The following SCMH1 variants were observed in gnomAD, a reference collection of about 807,000 sequenced individuals.
The protein encoded by SCMH1 is Scm polycomb group protein homolog 1.
Under a neutral mutation model 70.8 loss-of-function variants are expected in SCMH1, and 37 were observed. That is an observed-to-expected ratio of 0.52 (90% CI 0.40 to 0.69). SCMH1 has a LOEUF of 0.69. Ranked by LOEUF, SCMH1 falls within the 30% of genes least tolerant of loss-of-function variation. The probability of loss-of-function intolerance (pLI) is 0.00; values close to 1 mark genes in which losing one functional copy is unlikely to be tolerated. For missense variants in SCMH1, 607 were observed against 827.3 expected, an observed-to-expected ratio of 0.73 and a Z score of 3.27; for synonymous variants, 292 against 307.4, an observed-to-expected ratio of 0.95 and a Z score of 0.52.
intron 4 of SCMH1, chr1:41,159,818 C>T: frequency 6.8e-7 from 1 of 1,461,324 alleles, no homozygotes; most frequent in Non-Finnish European, 9.0e-7. Flanking sequence ...AGAGTAAAGT[C>T]TGAGTATAGC....
At chr1:41,057,258 T>C (rs1037123870) in intron 10 of SCMH1, among the ~76,000 whole-genome samples, 5 of 151,256 alleles carry the variant, frequency 3.3e-5, no homozygotes, top group African/African-American at 1.2e-4. Context: ...TTTGTTGTTG[T>C]TTTTTTGTTT....
intron 2 of SCMH1, among the ~76,000 whole-genome samples, chr1:41,180,533 A>C (rs1648437016): frequency 6.6e-6 from 1 of 152,242 alleles, no homozygotes. Flanking sequence ...AAAAATCAAA[A>C]GCATTCTTAT....
At chr1:41,155,853 C>A (rs1414880355) in intron 4 of SCMH1, among the ~76,000 whole-genome samples, 1 of 151,892 alleles carries the variant, frequency 6.6e-6, no homozygotes, top group Non-Finnish European at 1.5e-5. Context: ...GGCGTGGTGG[C>A]AGGCACCTAT....
intron 6 of SCMH1, among the ~76,000 whole-genome samples, chr1:41,126,600 T>A (rs1673231700): frequency 6.6e-6 from 1 of 152,168 alleles, no homozygotes. Context: ...TATATATGTG[T>A]GCATATGTGT....
At chr1:41,159,609 T>C (rs1645853908) in intron 4 of SCMH1, 38 of 1,178,672 alleles carry the variant, frequency 3.2e-5, no homozygotes, top group Non-Finnish European at 4.3e-5. Context: ...GTTCAAATTG[T>C]CTGACTCCTA....
At chr1:41,042,379 G>C (rs1440808279) in intron 12 of SCMH1, among the ~76,000 whole-genome samples, 1 of 151,980 alleles carries the variant, frequency 6.6e-6, no homozygotes, top group Non-Finnish European at 1.5e-5. Flanking sequence ...CTCCCAAGTA[G>C]CTGGGATTAC....
At chr1:41,136,134 T>C (rs1300267308) in intron 6 of SCMH1, among the ~76,000 whole-genome samples, 2 of 151,842 alleles carry the variant, frequency 1.3e-5, no homozygotes, top group Non-Finnish European at 1.5e-5. Flanking sequence ...TTTGCAGAGA[T>C]AGAGTTTTGC....
At chr1:41,037,971 C>G (rs1645544479) in intron 12 of SCMH1, 1 of 158,596 alleles carries the variant, frequency 6.3e-6, no homozygotes, top group Non-Finnish European at 1.4e-5. Context: ...CTTCTTGATG[C>G]TTGGTTAAAG....
chr1:41,066,909 C>A (rs1654792765), intron 10 of SCMH1, among the ~76,000 whole-genome samples: 2 of 152,120 alleles, frequency 1.3e-5, no homozygotes, highest in Admixed American at 1.3e-4. Flanking sequence ...CATCTTGAAA[C>A]CCCTTTGGTT....
intron 1 of SCMH1, among the ~76,000 whole-genome samples, chr1:41,207,094 T>C (rs537064810): frequency 1.3e-5 from 2 of 152,018 alleles, no homozygotes; most frequent in Non-Finnish European, 1.5e-5. Flanking sequence ...ACATGCCAAA[T>C]TGTAAAGACC....
intron 1 of SCMH1, among the ~76,000 whole-genome samples, chr1:41,198,804 G>A (rs963339849): frequency 5.3e-5 from 8 of 152,092 alleles, no homozygotes; most frequent in South Asian, 2.1e-4. Flanking sequence ...CAACAAGATC[G>A]TATTACACAA....
At chr1:41,060,461 A>AG (rs202150318) in intron 10 of SCMH1, among the ~76,000 whole-genome samples, 6,671 of 150,168 alleles carry the variant, frequency 0.044, 243 homozygotes, top group Non-Finnish European at 0.063. Context: ...AATGTGAGGG[A>AG]GAAAAAAAAA....
chr1:41,075,007 C>T (rs530388179), intron 9 of SCMH1, among the ~76,000 whole-genome samples: 47 of 152,258 alleles, frequency 3.1e-4, no homozygotes, highest in African/African-American at 1.1e-3. Context: ...GGACTACAGG[C>T]GCCCACCACC....
At chr1:41,131,140 C>T (rs1283154296) in intron 6 of SCMH1, among the ~76,000 whole-genome samples, 1 of 152,152 alleles carries the variant, frequency 6.6e-6, no homozygotes, top group East Asian at 1.9e-4. Context: ...TTGTTCCTCA[C>T]CAGCTGTTGA....
chr1:41,109,142 C>G (rs1668669833), intron 8 of SCMH1, among the ~76,000 whole-genome samples: 1 of 152,174 alleles, frequency 6.6e-6, no homozygotes, highest in Non-Finnish European at 1.5e-5. Flanking sequence ...TGGTTTCACT[C>G]TCTAGACTCA....
At position 41,117,033 on chromosome 1, in the gene SCMH1, C is replaced by T. The variant is rs765905390; in HGVS notation, c.413-23G>A. The T allele has an allele frequency of 1.4e-5, 23 of 1,595,314 alleles. No individual in the cohort carries two copies. In the African/African-American group the frequency reaches 2.8e-4, roughly 20 times the overall value. ...ATCCTGCAGCAAGCATAATGGGCAA[C>T]AGATTAAAAGTATGTTTCAAAAATG... On this transcript the variant is annotated intron_variant, in intron 6 of 14. Coordinates refer to ENST00000337495, the Ensembl canonical transcript of SCMH1.
At position 41,075,426 on chromosome 1, in the gene SCMH1, A is replaced by C. The variant is rs780827686; in HGVS notation, c.771T>G (p.Pro257=). 1.9e-6 allele frequency: 3 copies of C among 1,613,990 alleles called. No homozygotes were observed. In the African/African-American group the frequency reaches 4.0e-5, roughly 22 times the overall value. ...GCTTCTCAGTATTCACATCGGAGGCAGGATAGGGATTCTTTGGAATCACAA... is the reference window on the plus strand; with the variant it reads ...GCTTCTCAGTATTCACATCGGAGGCCGGATAGGGATTCTTTGGAATCACAA... The change falls in exon 9 of 15, where the codon CCT becomes CCG. Residue 257 remains proline (P), a synonymous_variant. Coordinates refer to ENST00000337495, the Ensembl canonical transcript of SCMH1.
chr1:41,201,948 T>A (rs1026959080), intron 1 of SCMH1, among the ~76,000 whole-genome samples: 1 of 152,216 alleles, frequency 6.6e-6, no homozygotes, highest in African/African-American at 2.4e-5. Flanking sequence ...AATCTTTGTA[T>A]GCAAGCACAG....
chr1:41,041,759 C>G (rs7531344), intron 12 of SCMH1, among the ~76,000 whole-genome samples: 129,441 of 152,232 alleles, frequency 0.85, 55,537 homozygotes, highest in East Asian at 0.97. Context: ...AACTAACTCA[C>G]AAGACCAGGA....
Sources: gnomAD v4.1 joint callset for allele counts (sites outside exome capture counted in the v4.1 genomes callset) on GRCh38, gnomAD v4.1.1 for gene constraint, MANE v1.5 for transcripts, NCBI Gene and HGNC (gene_info 2026-07-23, HGNC 2026-07-21) for gene names.